The following TBC1D16 variants were observed in gnomAD, a reference collection of about 807,000 sequenced individuals.
TBC1D16 encodes the protein CTD-2529O21.1.
In TBC1D16, 58 loss-of-function variants were observed where a neutral mutation model predicts 74.7. The observed-to-expected ratio is 0.78, with a 90% CI of 0.63 to 0.97. TBC1D16 has a LOEUF of 0.97. Ranked by LOEUF, TBC1D16 falls within the 50% of genes least tolerant of loss-of-function variation. The probability of loss-of-function intolerance (pLI) is 0.00; values close to 1 mark genes in which losing one functional copy is unlikely to be tolerated. For synonymous variants in TBC1D16, 493 were observed against 474.7 expected (o/e 1.04, Z -0.50); for missense variants, 1,014 against 1,079.5 (o/e 0.94, Z 0.85).
Position 80,009,357 on chromosome 17 carries a change from C to A in TBC1D16, c.779+803G>T, listed in dbSNP as rs561981866. ...GCCCCCTGTGCTGGCTCTGGGGCTC[C>A]GGGCTTATGCGACCACACGGGCACT... On this transcript the variant is annotated intron_variant, in intron 3 of 11. Transcript: ENST00000310924. This position sits in a 1 kb window ranked among gnomAD's most constrained non-coding sequence, Gnocchi z 5.4. 6.6e-6 allele frequency among the ~76,000 whole-genome samples: 1 copy of A among 152,174 alleles called. No homozygotes were observed. Among genetic ancestry groups the A allele is most frequent in the Non-Finnish European group, 1.5e-5 (1 of 68,010 alleles).
chr17:80,012,514 T>C (rs1230848688), intron 2 of TBC1D16, among the ~76,000 whole-genome samples: 2 of 152,238 alleles, frequency 1.3e-5, no homozygotes, highest in South Asian at 2.1e-4. Flanking sequence ...TAAAAATTTA[T>C]TTATTCAGTA....
Position 79,948,865 on chromosome 17 carries a change from G to A in TBC1D16, c.1541+7C>T, listed in dbSNP as rs371371964. ...GATGGGAAAGGAGCTGGCTGGGGAGGGAGTACCTCATGCTCTCCACATTGG... is the reference window on the plus strand; with the variant it reads ...GATGGGAAAGGAGCTGGCTGGGGAGAGAGTACCTCATGCTCTCCACATTGG... On this transcript the variant is annotated splice_region_variant and intron_variant, in intron 8 of 11. Coordinates refer to ENST00000310924, the MANE Select transcript of TBC1D16 (RefSeq NM_019020.4). 25 of 1,613,886 alleles carry A rather than the reference G, an allele frequency of 1.5e-5. No homozygotes were observed. Among genetic ancestry groups the A allele is most frequent in the Admixed American group, 1.3e-4 (8 of 59,998 alleles).
rs78032384 is a variant in TBC1D16 at position 79,981,579 on chromosome 17, A to G, written c.779+28581T>C. On this transcript the variant is annotated intron_variant, in intron 3 of 11. Transcript: ENST00000310924. This position sits in a 1 kb window ranked among gnomAD's most constrained non-coding sequence, Gnocchi z 6.9. ...ATTCAAGATCGTCGGTGATAAAGAAATGCGCATGAACATGATTTTTAAGCC... is the reference window on the plus strand; with the variant it reads ...ATTCAAGATCGTCGGTGATAAAGAAGTGCGCATGAACATGATTTTTAAGCC... Among the ~76,000 whole-genome samples, 1,604 of 152,340 alleles carry G rather than the reference A, an allele frequency of 0.011. 26 individuals are homozygous for G. The highest frequency in any genetic ancestry group is 0.037 in the African/African-American group (1,525 of 41,582).
chr17:79,966,282 T>C (rs947127121), intron 3 of TBC1D16, among the ~76,000 whole-genome samples: 1 of 152,170 alleles, frequency 6.6e-6, no homozygotes, highest in African/African-American at 2.4e-5. Context: ...CAGAATGGCC[T>C]CATCTTAACT....
In TBC1D16 at chr17:79,950,971, C is replaced by T. The variant is rs1598336052; in HGVS notation, c.1090-393G>A. Reference sequence around the variant, plus strand: ...AGCAGGGAGCCAGCCTGTCAGATTGCCTCCGCGAGCAGTCACGAATCCAGG... The same window carrying T: ...AGCAGGGAGCCAGCCTGTCAGATTGTCTCCGCGAGCAGTCACGAATCCAGG... On this transcript the variant is annotated intron_variant, in intron 5 of 11. Transcript: ENST00000310924. This position sits in a 1 kb window ranked among gnomAD's most constrained non-coding sequence, Gnocchi z 4.6. 2.2e-6 allele frequency: 2 copies of T among 917,226 alleles called. No homozygotes were observed. The highest frequency in any genetic ancestry group is 3.2e-6 in the Non-Finnish European group (2 of 634,368). The allele number at this position is 917,226 out of a possible 1,614,324, so 56.8% of individuals were successfully genotyped here. A position where few individuals can be genotyped will look rare whatever the true frequency, so the allele number is the denominator to read the frequency against.
chr17:79,992,289 CTG>C (rs1299584508), intron 3 of TBC1D16: 2 of 152,364 alleles, frequency 1.3e-5, no homozygotes, highest in Non-Finnish European at 2.9e-5. Context: ...TGTCAGGAAA[CTG>C]TGTGGACGAG....
chr17:80,015,266 CT>C (rs1451074547), intron 1 of TBC1D16, among the ~76,000 whole-genome samples: 1 of 151,624 alleles, frequency 6.6e-6, no homozygotes, highest in Non-Finnish European at 1.5e-5. Flanking sequence ...CCCGTCTTGA[CT>C]AAAAATAGAA....
Position 79,944,232 on chromosome 17 carries a change from C to A in TBC1D16, c.1908+676G>T. 7.7e-7 allele frequency: 1 copy of A among 1,292,476 alleles called. No homozygotes were observed. The highest frequency in any genetic ancestry group is 2.1e-5 in the Admixed American group (1 of 47,356). 80.1% of individuals were successfully genotyped at this position (1,292,476 alleles called of 1,614,324 possible). On this transcript the variant is annotated intron_variant, in intron 10 of 11. Coordinates refer to ENST00000310924, the MANE Select transcript of TBC1D16 (RefSeq NM_019020.4). The surrounding 1 kb of genome is among the most constrained non-coding windows in gnomAD (Gnocchi z 7.7). ...CTGCCGTGGTGGATAGAGCCAGCTC[C>A]TGCAAAAGGGTCCAGCCCTCCTGGA...
chr17:79,970,199 T>C (rs1239047344), intron 3 of TBC1D16, among the ~76,000 whole-genome samples: 5 of 152,200 alleles, frequency 3.3e-5, no homozygotes. Flanking sequence ...ACGTGTTCTA[T>C]GATTTCATTT....
intron 1 of TBC1D16, among the ~76,000 whole-genome samples, chr17:80,015,320 G>A (rs138749009): frequency 0.013 from 2,013 of 152,300 alleles, 20 homozygotes; most frequent in South Asian, 0.044. Context: ...TATAATCCCA[G>A]CTACTCGGGA....
At chr17:79,949,476 C>A (rs554830488) in intron 7 of TBC1D16, among the ~76,000 whole-genome samples, 1 of 152,206 alleles carries the variant, frequency 6.6e-6, no homozygotes, top group African/African-American at 2.4e-5. Context: ...GTCTGTTGAA[C>A]GAGAATTCTA....
In TBC1D16 at chr17:80,007,411, T is replaced by C. The variant is rs115033207; in HGVS notation, c.779+2749A>G. Among the ~76,000 whole-genome samples the C allele has an allele frequency of 2.0e-5, 3 of 152,204 alleles. No homozygotes were observed. The highest frequency in any genetic ancestry group is 1.9e-4 in the East Asian group (1 of 5,198). ...TCTGCGTTTTGGATGTGGGAGGTAATGGCCACAAGATCACACATAACTCAG... is the reference window on the plus strand; with the variant it reads ...TCTGCGTTTTGGATGTGGGAGGTAACGGCCACAAGATCACACATAACTCAG... On this transcript the variant is annotated intron_variant, in intron 3 of 11. Coordinates refer to ENST00000310924, the MANE Select transcript of TBC1D16 (RefSeq NM_019020.4). This position sits in a 1 kb window ranked among gnomAD's most constrained non-coding sequence, Gnocchi z 4.5.
At chr17:80,002,485 G>C (rs1233284174) in intron 3 of TBC1D16, among the ~76,000 whole-genome samples, 1 of 152,222 alleles carries the variant, frequency 6.6e-6, no homozygotes, top group Non-Finnish European at 1.5e-5. Flanking sequence ...GCACTGGCCA[G>C]CTCCAGGTGA....
At position 79,932,519 on chromosome 17, in the gene TBC1D16, T is replaced by G. The variant is rs546050791; in HGVS notation, c.*8340A>C. On this transcript the variant is annotated 3_prime_UTR_variant, in exon 12 of 12. Coordinates refer to ENST00000310924, the MANE Select transcript of TBC1D16 (RefSeq NM_019020.4). Reference sequence around the variant, plus strand: ...CCAGTTAGAGCGCTGACCTCCCATCTCAGGACTTCTTGGCCCTTGCCCATT... The same window carrying G: ...CCAGTTAGAGCGCTGACCTCCCATCGCAGGACTTCTTGGCCCTTGCCCATT... 1 of 152,438 alleles carries G rather than the reference T, an allele frequency of 6.6e-6. No homozygotes were observed. The highest frequency in any genetic ancestry group is 2.1e-4 in the South Asian group (1 of 4,824). 9.4% of individuals were successfully genotyped at this position (152,438 alleles called of 1,614,324 possible).
Position 79,941,780 on chromosome 17 carries a change from G to A in TBC1D16, c.2055+280C>T, listed in dbSNP as rs139105011. On this transcript the variant is annotated intron_variant, in intron 11 of 11. Transcript: ENST00000310924. The surrounding 1 kb of genome is among the most constrained non-coding windows in gnomAD (Gnocchi z 4.3). ...CCTGTCCGTCAGCCCCGGTGAATTC[G>A]TTCCCTCCTCAGCCAGCGAGGGAGG... Among the ~76,000 whole-genome samples the A allele has an allele frequency of 0.013, 2,031 of 152,296 alleles. 24 individuals carry two copies. The highest frequency in any genetic ancestry group is 0.021 in the Non-Finnish European group (1,462 of 68,020).
intron 1 of TBC1D16, among the ~76,000 whole-genome samples, chr17:80,028,919 T>A: frequency 6.6e-6 from 1 of 152,110 alleles, no homozygotes; most frequent in Non-Finnish European, 1.5e-5. Flanking sequence ...GCCGACCAGT[T>A]GATTTCTGTG....
In TBC1D16 at chr17:79,956,329, C is replaced by T. The variant is rs2143816616; in HGVS notation, c.780-3511G>A. Among the ~76,000 whole-genome samples the T allele has an allele frequency of 6.6e-6, 1 of 152,368 alleles. No individual in the cohort carries two copies. Among genetic ancestry groups the T allele is most frequent in the Middle Eastern group, 3.4e-3 (1 of 294 alleles). ...AGTGCGGTGGTGCAAACACAACTCA[C>T]CGCAGCCTCAGCCTCCGGGGCTCAA... On this transcript the variant is annotated intron_variant, in intron 3 of 11. Coordinates refer to ENST00000310924, the MANE Select transcript of TBC1D16 (RefSeq NM_019020.4). The surrounding 1 kb of genome is among the most constrained non-coding windows in gnomAD (Gnocchi z 4.0).
At position 79,988,984 on chromosome 17, in the gene TBC1D16, A is replaced by G. The variant is rs1166398885; in HGVS notation, c.779+21176T>C. On this transcript the variant is annotated intron_variant, in intron 3 of 11. Transcript: ENST00000310924. The surrounding 1 kb of genome is among the most constrained non-coding windows in gnomAD (Gnocchi z 5.7). Reference sequence around the variant, plus strand: ...TGCCGAGAAGAAGCCTTTCATCAGTAAAAGAGAAAACGGCTTCTCCAAAGG... The same window carrying G: ...TGCCGAGAAGAAGCCTTTCATCAGTGAAAGAGAAAACGGCTTCTCCAAAGG... Among the ~76,000 whole-genome samples the G allele has an allele frequency of 1.3e-5, 2 of 152,228 alleles. No individual in the cohort carries two copies. The highest frequency in any genetic ancestry group is 2.9e-5 in the Non-Finnish European group (2 of 68,042).
chr17:80,026,548 T>G (rs547413837), intron 1 of TBC1D16, among the ~76,000 whole-genome samples: 1 of 149,606 alleles, frequency 6.7e-6, no homozygotes, highest in South Asian at 2.1e-4. Flanking sequence ...AGGGTGGAGT[T>G]GTGTGGACCA....
Sources: gnomAD v4.1 joint callset for allele counts (sites outside exome capture counted in the v4.1 genomes callset) on GRCh38, gnomAD v4.1.1 for gene constraint, Gnocchi (gnomAD v3.1) non-coding constraint, MANE v1.5 for transcripts, NCBI Gene and HGNC (gene_info 2026-07-23, HGNC 2026-07-21) for gene names.